ADAM32: variants seen among roughly 807,000 people sequenced by gnomAD.
ADAM32 encodes the protein ADAM metallopeptidase domain 32, also known as disintegrin and metalloproteinase domain-containing protein 32.
In ADAM32, 89 loss-of-function variants were observed where a neutral mutation model predicts 114.9. The ratio of observed to expected loss-of-function variants is 0.77; its 90% CI spans 0.65 to 0.92. ADAM32 has a LOEUF of 0.92. ADAM32 is among the 40% of genes least tolerant of loss of function. The pLI is 0.00. For synonymous variants in ADAM32, 285 were observed against 307.5 expected, an observed-to-expected ratio of 0.93 and a Z score of 0.77; for missense variants, 870 against 932.8, an observed-to-expected ratio of 0.93 and a Z score of 0.88.
chr8:39,278,888 A>G (rs1257969204), intron 22 of ADAM32, among the ~76,000 whole-genome samples: 1 of 152,114 alleles, frequency 6.6e-6, no homozygotes, highest in Admixed American at 6.5e-5. Context: ...TGATAGCTTA[A>G]ATGGTTACTC....
intron 24 of ADAM32, among the ~76,000 whole-genome samples, chr8:39,284,484 A>G (rs1813656009): frequency 6.6e-6 from 1 of 152,198 alleles, no homozygotes; most frequent in Admixed American, 6.5e-5. Context: ...AATTTCTAAA[A>G]CATGTAAAGA....
intron 22 of ADAM32, among the ~76,000 whole-genome samples, chr8:39,279,573 T>C (rs1813298803): frequency 1.3e-5 from 2 of 152,198 alleles, no homozygotes; most frequent in Non-Finnish European, 2.9e-5. Context: ...TGAGCCACCA[T>C]GCCCGGACTA....
At chr8:39,203,622 C>T (rs1396337456) in intron 11 of ADAM32, among the ~76,000 whole-genome samples, 2 of 152,176 alleles carry the variant, frequency 1.3e-5, no homozygotes, top group African/African-American at 2.4e-5. Flanking sequence ...GAGCATTTAG[C>T]CCATTTACAA....
At chr8:39,158,238 A>ATCGATG in intron 6 of ADAM32, 1 of 182,456 alleles carries the variant, frequency 5.5e-6, no homozygotes, top group Non-Finnish European at 1.1e-5. Context: ...GGGTGTAGAT[A>ATCGATG]TTCAAGCATG....
chr8:39,230,405 G>A (rs77943718), intron 14 of ADAM32, among the ~76,000 whole-genome samples: 10,953 of 152,230 alleles, frequency 0.072, 541 homozygotes, highest in Non-Finnish European at 0.11. Context: ...GATGCCACAC[G>A]TAGACTAATA....
intron 14 of ADAM32, among the ~76,000 whole-genome samples, chr8:39,228,703 G>A (rs536506691): frequency 6.6e-6 from 1 of 152,306 alleles, no homozygotes; most frequent in East Asian, 1.9e-4. Flanking sequence ...TCAAGCCTAA[G>A]AATAATTGGG....
chr8:39,149,991 C>G (rs1803726581), intron 5 of ADAM32, 124 bp downstream of exon 5: 1 of 607,256 alleles, frequency 1.6e-6, no homozygotes. Flanking sequence ...TTAATGATAT[C>G]CCCCTCTGAA....
At chr8:39,145,634 G>T (rs1222091466) in intron 3 of ADAM32, among the ~76,000 whole-genome samples, 1 of 152,160 alleles carries the variant, frequency 6.6e-6, no homozygotes, top group Non-Finnish European at 1.5e-5. Flanking sequence ...CACTGAAGAA[G>T]AGATGGTTTC....
intron 6 of ADAM32, chr8:39,157,473 CTT>C (rs910957337): frequency 8.4e-6 from 3 of 357,940 alleles, no homozygotes; most frequent in South Asian, 2.5e-5. Flanking sequence ...TTTCTTCACT[CTT>C]TTTTTTTCAG....
At chr8:39,195,922 C>T (rs927288195) in intron 11 of ADAM32, among the ~76,000 whole-genome samples, 4 of 152,154 alleles carry the variant, frequency 2.6e-5, no homozygotes, top group East Asian at 1.9e-4. Context: ...ATCTGTAGAT[C>T]GCTTTGGGTG....
intron 19 of ADAM32, among the ~76,000 whole-genome samples, chr8:39,259,424 G>A (rs1375946928): frequency 6.6e-6 from 1 of 151,348 alleles, no homozygotes. Context: ...CTCTCAAATG[G>A]TTTCATTTTT....
At chr8:39,255,036 C>T (rs189844460) in intron 18 of ADAM32, among the ~76,000 whole-genome samples, 25 of 151,922 alleles carry the variant, frequency 1.6e-4, no homozygotes, top group East Asian at 5.8e-4. Flanking sequence ...CAGGTTGCTG[C>T]GAATGCTATT....
At chr8:39,135,732 A>G (rs556314820) in intron 2 of ADAM32, among the ~76,000 whole-genome samples, 51 of 152,294 alleles carry the variant, frequency 3.3e-4, no homozygotes, top group African/African-American at 1.2e-3. Flanking sequence ...TGAGGAGGTC[A>G]GGTACTTTGT....
intron 7 of ADAM32, among the ~76,000 whole-genome samples, chr8:39,161,192 AT>A (rs1305362833): frequency 6.6e-6 from 1 of 152,130 alleles, no homozygotes; most frequent in Non-Finnish European, 1.5e-5. Context: ...AACAAAATGT[AT>A]TTTTTTCCCT....
intron 6 of ADAM32, among the ~76,000 whole-genome samples, chr8:39,153,549 G>A (rs1029376915): frequency 6.6e-6 from 1 of 152,170 alleles, no homozygotes; most frequent in Admixed American, 6.5e-5. Flanking sequence ...CATTTCCCCA[G>A]GGTGGTCCTT....
At chr8:39,224,594 T>C (rs1564633303) in intron 14 of ADAM32, among the ~76,000 whole-genome samples, 1 of 152,150 alleles carries the variant, frequency 6.6e-6, no homozygotes, top group Non-Finnish European at 1.5e-5. Flanking sequence ...CATTTTTGAT[T>C]GGGCTTTTTT....
At chr8:39,139,024 T>G (rs1802981793) in intron 3 of ADAM32, among the ~76,000 whole-genome samples, 1 of 152,248 alleles carries the variant, frequency 6.6e-6, no homozygotes. Flanking sequence ...TGGGGTTGTT[T>G]GCTTTTTTTC....
rs923932060 is a variant in ADAM32, at chr8:39,193,042, T to G, written c.1052+5997T>G. The stretch of plus-strand genomic sequence containing the variant: ...ATATTGTGGAGGTTCTCTGGATTTC[T>G]TGAATTTGAATGTTGGCCTCTCTAG... On this transcript the variant is annotated intron_variant, in intron 11 of 24. Transcript: ENST00000379907. Among the ~76,000 whole-genome samples the G allele has an allele frequency of 3.7e-4, 57 of 152,320 alleles. 1 individual carries two copies. Among genetic ancestry groups the G allele is most frequent in the African/African-American group, 1.3e-3 (52 of 41,584 alleles).
At chr8:39,107,962 A>C in intron 1 of ADAM32, 129 bp downstream of exon 1, 4 of 1,249,930 alleles carry the variant, frequency 3.2e-6, no homozygotes, top group South Asian at 3.3e-5. Context: ...GGCCTTTTCC[A>C]GGGGATTAGG....
Sources: allele counts gnomAD v4.1 joint callset (sites outside exome capture counted in the v4.1 genomes callset), GRCh38; gene constraint gnomAD v4.1.1; transcripts MANE v1.5; gene names NCBI Gene and HGNC (gene_info 2026-07-23, HGNC 2026-07-21).